The following NBAS variants were observed in gnomAD, a reference collection of about 807,000 sequenced individuals.
NBAS encodes the protein NBAS subunit of NRZ tethering complex.
NBAS carries 219 observed loss-of-function variants against 302.5 expected under a neutral mutation model. That is an observed-to-expected ratio of 0.72 (90% CI 0.65 to 0.81). The LOEUF (loss-of-function observed/expected upper bound fraction) is 0.81. Ranked by LOEUF, NBAS falls within the 30% of genes least tolerant of loss-of-function variation. The pLI is 0.00. For synonymous variants in NBAS, 1,118 were observed against 1,021.6 expected, an observed-to-expected ratio of 1.09 and a Z score of -1.80; for missense variants, 2,932 against 2,841.6, an observed-to-expected ratio of 1.03 and a Z score of -0.72.
chr2:15,414,280 T>C (rs1217974222), intron 25 of NBAS, among the ~76,000 whole-genome samples: 3 of 152,230 alleles, frequency 2.0e-5, no homozygotes, highest in African/African-American at 7.2e-5. Flanking sequence ...TGACCATGTA[T>C]CTTACCAGAC....
intron 9 of NBAS, among the ~76,000 whole-genome samples, chr2:15,523,582 C>T (rs1280017919): frequency 6.6e-6 from 1 of 152,096 alleles, no homozygotes; most frequent in Non-Finnish European, 1.5e-5. Context: ...AGAACCAAGC[C>T]TCCACAGATA....
At chr2:14,854,923 C>G in the NBAS span, among the ~76,000 whole-genome samples, 1 of 152,192 alleles carries the variant, frequency 6.6e-6, no homozygotes, top group Non-Finnish European at 1.5e-5. Flanking sequence ...ATGCAACATA[C>G]TGAGACACCA....
chr2:15,424,895 A>G (rs1677392683), intron 22 of NBAS, among the ~76,000 whole-genome samples: 1 of 152,196 alleles, frequency 6.6e-6, no homozygotes, highest in Non-Finnish European at 1.5e-5. Context: ...AATTTGAATT[A>G]AGAAATCTTG....
chr2:14,915,459 T>A, the NBAS span, among the ~76,000 whole-genome samples: 1 of 152,194 alleles, frequency 6.6e-6, no homozygotes, highest in Non-Finnish European at 1.5e-5. Flanking sequence ...CTCCCATAAT[T>A]CTCGCTTGTT....
intron 21 of NBAS, among the ~76,000 whole-genome samples, chr2:15,439,226 C>G (rs79012964): frequency 0.013 from 1,911 of 150,756 alleles, 30 homozygotes; most frequent in East Asian, 0.059. Flanking sequence ...TGGCGTGAAC[C>G]GGGAGGTGGG....
chr2:15,198,316 A>G (rs1665712140), intron 48 of NBAS, among the ~76,000 whole-genome samples: 1 of 152,210 alleles, frequency 6.6e-6, no homozygotes, highest in African/African-American at 2.4e-5. Flanking sequence ...TTTTATTGTA[A>G]CACATTCAAT....
At chr2:15,458,234 T>C (rs1485946420) in intron 21 of NBAS, among the ~76,000 whole-genome samples, 1 of 151,948 alleles carries the variant, frequency 6.6e-6, no homozygotes, top group African/African-American at 2.4e-5. Flanking sequence ...GAATTATGAG[T>C]ATAGGGAAAG....
At chr2:15,124,491 C>T in the NBAS span, among the ~76,000 whole-genome samples, 1 of 152,214 alleles carries the variant, frequency 6.6e-6, no homozygotes, top group Non-Finnish European at 1.5e-5. Context: ...GAGAGATTAG[C>T]ATGACTCAAA....
rs530241711 is a variant in NBAS at position 15,516,029 on chromosome 2, A to G, written c.747-4679T>C. On this transcript the variant is annotated intron_variant, in intron 9 of 51. Coordinates refer to ENST00000281513, the MANE Select transcript of NBAS (RefSeq NM_015909.4). ...TGGAGGCAGGGAAAGGTGGGGTCAC[A>G]CTGTTTAAAACGGACAAAACAATGC... Among the ~76,000 whole-genome samples the G allele has an allele frequency of 1.9e-4, 29 of 152,342 alleles. No individual in the cohort carries two copies. In the East Asian group the frequency reaches 3.9e-3, roughly 20 times the overall value.
chr2:15,519,487 A>G (rs35785577), intron 9 of NBAS, among the ~76,000 whole-genome samples: 55 of 24,122 alleles, frequency 2.3e-3, no homozygotes, highest in Admixed American at 0.021. Context: ...CCCAAGCTGG[A>G]GTGCAATGGT....
chr2:15,077,277 G>C, the NBAS span, among the ~76,000 whole-genome samples: 1 of 152,144 alleles, frequency 6.6e-6, no homozygotes, highest in South Asian at 2.1e-4. Context: ...AGAACAGCAT[G>C]GGGGAAACTG....
chr2:15,558,842 G>A (rs553100970), intron 1 of NBAS, among the ~76,000 whole-genome samples: 12 of 152,206 alleles, frequency 7.9e-5, no homozygotes, highest in African/African-American at 2.9e-4. Flanking sequence ...GCCAAGGTGG[G>A]CTGACTGCTT....
At chr2:15,185,370 C>T (rs979698622) in intron 50 of NBAS, among the ~76,000 whole-genome samples, 5 of 152,174 alleles carry the variant, frequency 3.3e-5, no homozygotes, top group South Asian at 2.1e-4. Flanking sequence ...AACCTAGATT[C>T]GACAGAACTG....
chr2:15,163,545 A>G (rs376167245), downstream of NBAS, among the ~76,000 whole-genome samples: 1 of 152,176 alleles, frequency 6.6e-6, no homozygotes, highest in Non-Finnish European at 1.5e-5. Context: ...TGATTCTGAT[A>G]TGTAGTCATG....
chr2:15,043,412 C>G, the NBAS span, among the ~76,000 whole-genome samples: 11 of 152,166 alleles, frequency 7.2e-5, no homozygotes, highest in Non-Finnish European at 5.9e-5. Context: ...AAATTTCTAA[C>G]AGTCAGGTTT....
At chr2:15,459,680 C>T (rs1276027855) in intron 21 of NBAS, among the ~76,000 whole-genome samples, 7 of 151,964 alleles carry the variant, frequency 4.6e-5, no homozygotes, top group Non-Finnish European at 8.8e-5. Context: ...GGGGTTTCAC[C>T]ATGTTAGCCA....
intron 21 of NBAS, among the ~76,000 whole-genome samples, chr2:15,447,541 A>T (rs1678809534): frequency 1.3e-5 from 2 of 152,172 alleles, no homozygotes; most frequent in Non-Finnish European, 2.9e-5. Flanking sequence ...GGATGCTGGT[A>T]ATATTCTGTT....
chr2:15,320,521 C>T (rs566299363), intron 38 of NBAS, among the ~76,000 whole-genome samples: 2 of 152,300 alleles, frequency 1.3e-5, no homozygotes, highest in Admixed American at 6.5e-5. Flanking sequence ...CCCAAAATCT[C>T]CTTAAGCTGA....
chr2:15,388,828 C>A (rs1393119752), intron 28 of NBAS, among the ~76,000 whole-genome samples: 1 of 151,876 alleles, frequency 6.6e-6, no homozygotes, highest in Admixed American at 6.6e-5. Flanking sequence ...TAATGTTATA[C>A]CAACAATACA....
Sources: allele counts gnomAD v4.1 joint callset (sites outside exome capture counted in the v4.1 genomes callset), GRCh38; gene constraint gnomAD v4.1.1; transcripts MANE v1.5; gene names NCBI Gene and HGNC (gene_info 2026-07-23, HGNC 2026-07-21).